The following SCAPER variants were observed in gnomAD, a reference collection of about 807,000 sequenced individuals.
SCAPER encodes the protein S-phase cyclin A associated protein in the ER.
A neutral mutation model predicts 182.2 loss-of-function variants in SCAPER; 98 were observed. That is an observed-to-expected ratio of 0.54 (90% CI 0.46 to 0.64). The LOEUF is 0.64. Among genes scored for constraint, SCAPER ranks in the 30% least tolerant of loss-of-function variants. The pLI is 0.00. For synonymous variants in SCAPER, 605 were observed against 564.6 expected (o/e 1.07, Z -1.01); for missense variants, 1,432 against 1,690.0 (o/e 0.85, Z 2.68).
Position 76,897,401 on chromosome 15 carries a change from AAAAG to A in SCAPER, c.-60+7894_-60+7897del, listed in dbSNP as rs533112513. Among the ~76,000 whole-genome samples, 6 of 152,266 alleles carry A rather than the reference AAAAG, an allele frequency of 3.9e-5. No homozygotes were observed. In the South Asian group the frequency reaches 1.2e-3, roughly 32 times the overall value. Reference sequence around the variant, plus strand: ...CCTTTTCCTCCAAAGAGGAAAAAAAAAAAGAAATGTTACTTCAACATTGACCAGG... The same window carrying A: ...CCTTTTCCTCCAAAGAGGAAAAAAAAAAATGTTACTTCAACATTGACCAGG... On this transcript the variant is annotated intron_variant, in intron 1 of 31. Coordinates refer to ENST00000563290, the MANE Select transcript of SCAPER (RefSeq NM_020843.4).
chr15:76,872,311 T>G (rs73455381), intron 2 of SCAPER, among the ~76,000 whole-genome samples: 12,919 of 152,092 alleles, frequency 0.085, 648 homozygotes, highest in African/African-American at 0.13. Flanking sequence ...GCTTTAAAAC[T>G]GACAAAAGAT....
At chr15:76,406,774 T>C (rs1392513257) in intron 26 of SCAPER, among the ~76,000 whole-genome samples, 1 of 152,198 alleles carries the variant, frequency 6.6e-6, no homozygotes, top group South Asian at 2.1e-4. Flanking sequence ...TCCTCTCCTA[T>C]TTCATATGGT....
chr15:76,833,305 T>C (rs980828878), intron 5 of SCAPER, among the ~76,000 whole-genome samples: 5 of 152,078 alleles, frequency 3.3e-5, no homozygotes, highest in Non-Finnish European at 5.9e-5. Flanking sequence ...AGAAATAAAA[T>C]CCTTTTGACA....
chr15:76,751,649 T>C (rs1334949273), intron 15 of SCAPER, among the ~76,000 whole-genome samples: 3 of 151,646 alleles, frequency 2.0e-5, no homozygotes, highest in African/African-American at 7.3e-5. Context: ...TTTCAGCAAA[T>C]GGTAATGGGA....
At chr15:76,609,791 G>A (rs1421891660) in intron 22 of SCAPER, among the ~76,000 whole-genome samples, 1 of 152,216 alleles carries the variant, frequency 6.6e-6, no homozygotes, top group African/African-American at 2.4e-5. Flanking sequence ...GAGGTGAAAG[G>A]AGGGTAAATG....
intron 21 of SCAPER, among the ~76,000 whole-genome samples, chr15:76,658,576 G>A (rs374728456): frequency 2.5e-4 from 38 of 151,982 alleles, no homozygotes; most frequent in Admixed American, 7.9e-4. Context: ...AAACTCATAC[G>A]GAACCAAAAA....
chr15:76,531,350 C>T (rs1363061240), intron 23 of SCAPER, among the ~76,000 whole-genome samples: 1 of 152,146 alleles, frequency 6.6e-6, no homozygotes, highest in Non-Finnish European at 1.5e-5. Flanking sequence ...GAGACTGAAA[C>T]ATAACTCCTG....
intron 24 of SCAPER, among the ~76,000 whole-genome samples, chr15:76,495,118 T>G (rs1223726163): frequency 6.6e-6 from 1 of 152,088 alleles, no homozygotes; most frequent in Non-Finnish European, 1.5e-5. Context: ...ATGGGTTACA[T>G]TAAAAAAAAT....
At chr15:76,577,539 T>A (rs2047933248) in intron 22 of SCAPER, among the ~76,000 whole-genome samples, 1 of 152,168 alleles carries the variant, frequency 6.6e-6, no homozygotes, top group Non-Finnish European at 1.5e-5. Flanking sequence ...CTGGGCAGAA[T>A]CCTGAGGCTC....
chr15:76,721,094 A>C lies in SCAPER; in HGVS notation c.2165+7501T>G, dbSNP rs909889925. On this transcript the variant is annotated intron_variant, in intron 17 of 31. Transcript: ENST00000563290. ...TAAGTCTTTAATCCATCTTGAATTAATTTTTGTATAAGGTGTAAGGAAGGG... is the reference window on the plus strand; with the variant it reads ...TAAGTCTTTAATCCATCTTGAATTACTTTTTGTATAAGGTGTAAGGAAGGG... Among the ~76,000 whole-genome samples, 19 of 152,280 alleles carry C rather than the reference A, an allele frequency of 1.2e-4. 1 individual carries two copies. The highest frequency in any genetic ancestry group is 4.1e-4 in the African/African-American group (17 of 41,544).
intron 23 of SCAPER, among the ~76,000 whole-genome samples, chr15:76,532,488 C>A (rs753152898): frequency 4.6e-5 from 7 of 152,094 alleles, no homozygotes; most frequent in Non-Finnish European, 1.0e-4. Context: ...AGGCGTGAAC[C>A]ACCATGCCAG....
At position 76,846,028 on chromosome 15, in the gene SCAPER, G is replaced by GA. The variant is rs377249341; in HGVS notation, c.196-4098dup. Reference sequence around the variant, plus strand: ...TCAATGGAACATAATAAAGAGCCCAGAAAAAAAAAATCATACACCTACAGT... The same window carrying GA: ...TCAATGGAACATAATAAAGAGCCCAGAAAAAAAAAAATCATACACCTACAGT... On this transcript the variant is annotated intron_variant, in intron 4 of 31. Transcript: ENST00000563290. Among the ~76,000 whole-genome samples, 719 of 149,242 alleles carry GA rather than the reference G, an allele frequency of 4.8e-3. 3 individuals are homozygous for GA. The highest frequency in any genetic ancestry group is 0.01 in the Middle Eastern group (3 of 288).
At chr15:76,440,402 C>T (rs535678489) in intron 25 of SCAPER, among the ~76,000 whole-genome samples, 19 of 152,124 alleles carry the variant, frequency 1.2e-4, no homozygotes, top group South Asian at 4.1e-4. Flanking sequence ...CAGAAAGATG[C>T]TTTTATTAGT....
chr15:76,589,610 C>T (rs1308814657), intron 22 of SCAPER, among the ~76,000 whole-genome samples: 1 of 152,172 alleles, frequency 6.6e-6, no homozygotes, highest in African/African-American at 2.4e-5. Context: ...GGCTACCAGC[C>T]TCCCAGCTGA....
At chr15:76,430,433 C>A (rs2046785282) in intron 26 of SCAPER, among the ~76,000 whole-genome samples, 1 of 152,230 alleles carries the variant, frequency 6.6e-6, no homozygotes, top group Non-Finnish European at 1.5e-5. Flanking sequence ...AAGAGAGGGG[C>A]TATACCCTAC....
chr15:76,901,103 G>A (rs903765502), intron 1 of SCAPER, among the ~76,000 whole-genome samples: 6 of 152,122 alleles, frequency 3.9e-5, no homozygotes, highest in Admixed American at 6.5e-5. Context: ...GGTGGCACCC[G>A]CCTGTAGTCC....
chr15:76,825,815 T>C (rs2151679159), intron 5 of SCAPER, among the ~76,000 whole-genome samples: 1 of 152,294 alleles, frequency 6.6e-6, no homozygotes, highest in East Asian at 1.9e-4. Context: ...GGTGACCTCG[T>C]CTCACTGCAA....
rs2059037673 is a variant in SCAPER at position 76,702,895 on chromosome 15, C to A, written c.2355G>T (p.Leu785=). 6.2e-7 allele frequency: 1 copy of A among 1,608,798 alleles called. No individual in the cohort carries two copies. The highest frequency in any genetic ancestry group is 8.5e-7 in the Non-Finnish European group (1 of 1,178,568). Residue 785 remains leucine (L), a synonymous_variant, in exon 19 of 32, where the codon CTG becomes CTT. Transcript: ENST00000563290. The part of the protein sequence containing the change: ...RHANTDYAPK[L]TPYERKKQCS... ...ACTGCTTCTTTCTTTCATAAGGGGT[C>A]AGTTTGGGGGCATAATCAGTATTTG...
At chr15:76,480,199 T>C (rs1295616264) in intron 24 of SCAPER, among the ~76,000 whole-genome samples, 1 of 152,230 alleles carries the variant, frequency 6.6e-6, no homozygotes, top group East Asian at 1.9e-4. Context: ...AGAGCCCCAA[T>C]GCATATGTAA....
Sources: allele counts gnomAD v4.1 joint callset (sites outside exome capture counted in the v4.1 genomes callset), GRCh38; gene constraint gnomAD v4.1.1; transcripts MANE v1.5; gene names NCBI Gene and HGNC (gene_info 2026-07-23, HGNC 2026-07-21).